The following VAPB variants were observed in gnomAD, a reference collection of about 807,000 sequenced individuals.
The protein encoded by VAPB is VAMP associated protein B and C.
Under a neutral mutation model 25.6 loss-of-function variants are expected in VAPB, and 7 were observed. The ratio of observed to expected loss-of-function variants is 0.27; its 90% CI spans 0.16 to 0.51. The LOEUF (loss-of-function observed/expected upper bound fraction) is 0.51, where lower values mean the gene tolerates loss of function less well. Ranked by LOEUF, VAPB falls within the 20% of genes least tolerant of loss-of-function variation. The pLI is 0.97. For missense variants in VAPB, 266 were observed against 301.3 expected, an observed-to-expected ratio of 0.88 and a Z score of 0.87; for synonymous variants, 112 against 109.2, an observed-to-expected ratio of 1.03 and a Z score of -0.16.
At chr20:58,438,277 A>T (rs1989090438) in intron 3 of VAPB, among the ~76,000 whole-genome samples, 1 of 151,988 alleles carries the variant, frequency 6.6e-6, no homozygotes, top group Admixed American at 6.6e-5. Context: ...TTCTCATTTT[A>T]ATTTAATTTA....
intron 1 of VAPB, among the ~76,000 whole-genome samples, chr20:58,406,091 C>G (rs937804477): frequency 6.6e-6 from 1 of 151,988 alleles, no homozygotes; most frequent in African/African-American, 2.4e-5. Flanking sequence ...GAGTGGGACT[C>G]AAGAGTGCCG....
intron 1 of VAPB, among the ~76,000 whole-genome samples, chr20:58,401,719 T>C (rs914807623): frequency 2.6e-5 from 4 of 152,140 alleles, no homozygotes; most frequent in Non-Finnish European, 4.4e-5. Flanking sequence ...GCGGAACTCT[T>C]TTACCAGTAC....
chr20:58,409,770 A>C (rs912493969), intron 1 of VAPB, among the ~76,000 whole-genome samples: 1 of 152,136 alleles, frequency 6.6e-6, no homozygotes, highest in African/African-American at 2.4e-5. Context: ...ATATAGGTTG[A>C]GTTTCAAAGT....
chr20:58,436,288 C>T (rs1319158371), intron 3 of VAPB, among the ~76,000 whole-genome samples: 1 of 150,670 alleles, frequency 6.6e-6, no homozygotes, highest in Non-Finnish European at 1.5e-5. Context: ...CTAGGCCTAA[C>T]CATCATTAAT....
intron 2 of VAPB, among the ~76,000 whole-genome samples, chr20:58,419,391 T>A (rs1318134887): frequency 6.6e-6 from 1 of 152,202 alleles, no homozygotes; most frequent in Non-Finnish European, 1.5e-5. Flanking sequence ...CCCCTGTGCT[T>A]CTCTTGAGTC....
intron 2 of VAPB, among the ~76,000 whole-genome samples, chr20:58,428,119 G>A (rs1447128051): frequency 6.6e-6 from 1 of 152,264 alleles, no homozygotes; most frequent in African/African-American, 2.4e-5. Flanking sequence ...AGGGGTGTGT[G>A]TGTATGTTTT....
At chr20:58,414,434 A>G (rs368149944) in intron 1 of VAPB, among the ~76,000 whole-genome samples, 305 of 129,620 alleles carry the variant, frequency 2.4e-3, no homozygotes, top group Middle Eastern at 0.016. Context: ...CAGACGGGGC[A>G]GCCGCCGGGC....
intron 2 of VAPB, among the ~76,000 whole-genome samples, chr20:58,421,264 A>G (rs1043490111): frequency 1.3e-5 from 2 of 152,244 alleles, no homozygotes; most frequent in Non-Finnish European, 2.9e-5. Context: ...AATCAACAGC[A>G]TGGTACAAGA....
chr20:58,421,120 AG>A (rs1415006109), intron 2 of VAPB, among the ~76,000 whole-genome samples: 1 of 152,246 alleles, frequency 6.6e-6, no homozygotes, highest in Admixed American at 6.5e-5. Flanking sequence ...AAACCTGAAC[AG>A]GAAGACCAGT....
chr20:58,394,305 G>A (rs536986660), intron 1 of VAPB, among the ~76,000 whole-genome samples: 1 of 152,360 alleles, frequency 6.6e-6, no homozygotes, highest in Non-Finnish European at 1.5e-5. Context: ...AAGTTGATGT[G>A]TAATTTAAGA....
intron 1 of VAPB, among the ~76,000 whole-genome samples, chr20:58,397,483 C>T (rs559749493): frequency 6.6e-6 from 1 of 150,538 alleles, no homozygotes; most frequent in Non-Finnish European, 1.5e-5. Flanking sequence ...CCCGCCATCG[C>T]ACTCCAGCCT....
Position 58,450,120 on chromosome 20 carries a change from G to GT in VAPB, c.*5888dup, listed in dbSNP as rs1371523906. 1 of 454,042 alleles carries GT rather than the reference G, an allele frequency of 2.2e-6. No individual in the cohort carries two copies. The highest frequency in any genetic ancestry group is 2.0e-5 in the African/African-American group (1 of 50,096). 28.1% of individuals were successfully genotyped at this position (454,042 alleles called of 1,614,324 possible). A position where few individuals can be genotyped will look rare whatever the true frequency, so the allele number is the denominator to read the frequency against. On this transcript the variant is annotated 3_prime_UTR_variant, in exon 6 of 6. Transcript: ENST00000475243. The stretch of plus-strand genomic sequence containing the variant: ...CATGTCATACAAAAAAGTCCTGGCT[G>GT]TTTCTCCGAACTGGCTGCCTGCATT...
chr20:58,436,327 C>CT (rs57100987), intron 3 of VAPB, among the ~76,000 whole-genome samples: 3,600 of 113,818 alleles, frequency 0.032, 53 homozygotes, highest in South Asian at 0.045. Flanking sequence ...GTTTTTCTTC[C>CT]TTTTTTTTTT....
chr20:58,430,582 T>C (rs369473421), intron 2 of VAPB, among the ~76,000 whole-genome samples: 4 of 151,788 alleles, frequency 2.6e-5, no homozygotes, highest in African/African-American at 9.7e-5. Context: ...TTTTCTTTTT[T>C]TTTTTGTTTT....
chr20:58,422,068 G>A (rs1248744479), intron 2 of VAPB, among the ~76,000 whole-genome samples: 2 of 152,178 alleles, frequency 1.3e-5, no homozygotes, highest in Admixed American at 6.5e-5. Flanking sequence ...AACTTTTTGT[G>A]TCAGTGGATT....
chr20:58,429,203 C>A (rs115272938), intron 2 of VAPB, among the ~76,000 whole-genome samples: 48 of 152,092 alleles, frequency 3.2e-4, no homozygotes, highest in African/African-American at 1.0e-3. Context: ...TAACTACCCA[C>A]CTTATACCCA....
Position 58,449,882 on chromosome 20 carries a change from C to T in VAPB, c.*5647C>T, listed in dbSNP as rs553501796. The T allele has an allele frequency of 1.9e-4, 86 of 454,084 alleles. 1 individual carries two copies. Among genetic ancestry groups the T allele is most frequent in the South Asian group, 1.3e-3 (82 of 64,470 alleles). 28.1% of individuals were successfully genotyped at this position (454,084 alleles called of 1,614,324 possible). A position where few individuals can be genotyped will look rare whatever the true frequency, so the allele number is the denominator to read the frequency against. On this transcript the variant is annotated 3_prime_UTR_variant, in exon 6 of 6. Coordinates refer to ENST00000475243, the MANE Select transcript of VAPB (RefSeq NM_004738.5). ...TCTGCAGGTGGAGCTGCTGTCAGAG[C>T]TTCGTTTCACTGATACCCAAAGCCA...
chr20:58,439,516 T>C (rs1989116526), intron 4 of VAPB: 1 of 184,530 alleles, frequency 5.4e-6, no homozygotes, highest in Admixed American at 5.3e-5. Context: ...CTGTTGATAT[T>C]TGGGGCAAAT....
At chr20:58,434,726 AT>A in intron 3 of VAPB, 21 bp downstream of exon 3, 1 of 1,194,020 alleles carries the variant, frequency 8.4e-7, no homozygotes. Context: ...AATGCTTCTT[AT>A]TTTTTTCAGT....
Sources: allele counts gnomAD v4.1 joint callset (sites outside exome capture counted in the v4.1 genomes callset), GRCh38; gene constraint gnomAD v4.1.1; transcripts MANE v1.5; gene names NCBI Gene and HGNC (gene_info 2026-07-23, HGNC 2026-07-21).